PRICKLE2: variants seen among roughly 807,000 people sequenced by gnomAD.
PRICKLE2 encodes prickle planar cell polarity protein 2.
Under a neutral mutation model 81.4 loss-of-function variants are expected in PRICKLE2, and 21 were observed. That is an observed-to-expected ratio of 0.26 (90% CI 0.18 to 0.37). PRICKLE2 has a LOEUF of 0.37. Among genes scored for constraint, PRICKLE2 ranks in the 10% least tolerant of loss-of-function variants. The pLI is 1.00. For synonymous variants in PRICKLE2, 456 were observed against 421.5 expected, an observed-to-expected ratio of 1.08 and a Z score of -1.00; for missense variants, 940 against 1,109.0, an observed-to-expected ratio of 0.85 and a Z score of 2.16.
intron 2 of PRICKLE2, among the ~76,000 whole-genome samples, chr3:64,167,909 T>C (rs1023746947): frequency 2.6e-5 from 4 of 152,168 alleles, no homozygotes; most frequent in Admixed American, 6.5e-5. Flanking sequence ...GAACACACTT[T>C]GTGAGTTTTA....
chr3:64,137,217 T>C (rs1432584), intron 7 of PRICKLE2, among the ~76,000 whole-genome samples: 21,551 of 152,146 alleles, frequency 0.14, 1,786 homozygotes, highest in East Asian at 0.3. Flanking sequence ...TTAAAGCCAT[T>C]TCCAAGTGGA....
At chr3:64,193,292 A>T (rs2078381417) in intron 2 of PRICKLE2, among the ~76,000 whole-genome samples, 1 of 152,138 alleles carries the variant, frequency 6.6e-6, no homozygotes, top group South Asian at 2.1e-4. Context: ...GCACAGGATC[A>T]TCTGGTACTT....
chr3:64,200,986 G>C (rs1449206273), intron 1 of PRICKLE2: 1 of 148,250 alleles, frequency 6.7e-6, no homozygotes, highest in African/African-American at 2.5e-5. Context: ...CTGGAGTGCA[G>C]TGGCACGATC....
Position 64,230,766 on chromosome 3 carries a change from C to T in PRICKLE2, c.129-31799G>A, listed in dbSNP as rs370814311. ...AGTTTCACCATCTATAAAATGGAGA[C>T]ATCTCTTTATCAAAGGCTTCGGTAA... On this transcript the variant is annotated intron_variant, in intron 2 of 8. Coordinates refer to the PRICKLE2 transcript ENST00000295902. 5.3e-5 allele frequency among the ~76,000 whole-genome samples: 8 copies of T among 152,324 alleles called. No individual in the cohort carries two copies. In the East Asian group the frequency reaches 1.5e-3, roughly 29 times the overall value.
At chr3:64,217,500 C>G (rs989925649) in intron 1 of PRICKLE2, among the ~76,000 whole-genome samples, 1 of 152,092 alleles carries the variant, frequency 6.6e-6, no homozygotes, top group Non-Finnish European at 1.5e-5. Flanking sequence ...CATTCACATT[C>G]GTAAGAACGA....
Position 64,096,077 on chromosome 3 carries a change from A to G in PRICKLE2, c.*2974T>C, listed in dbSNP as rs2076567966. 6.6e-6 allele frequency: 1 copy of G among 152,236 alleles called. No homozygotes were observed. Among genetic ancestry groups the G allele is most frequent in the African/African-American group, 2.4e-5 (1 of 41,446 alleles). The allele number at this position is 152,236 out of a possible 1,614,324, so 9.4% of individuals were successfully genotyped here. A position where few individuals can be genotyped will look rare whatever the true frequency, so the allele number is the denominator to read the frequency against. ...CTGGGAACAAGCCAGCTATGTTGCT[A>G]CTGAATTGAGCAGCAATAGGAAATG... On this transcript the variant is annotated 3_prime_UTR_variant, in exon 8 of 8. Coordinates refer to ENST00000638394, the MANE Select transcript of PRICKLE2 (RefSeq NM_198859.4).
intron 7 of PRICKLE2, among the ~76,000 whole-genome samples, chr3:64,138,443 G>T (rs1347856940): frequency 2.0e-5 from 3 of 152,212 alleles, no homozygotes. Flanking sequence ...ACCTGATGTT[G>T]ATGGACATTG....
chr3:64,166,059 A>C (rs955768134), intron 2 of PRICKLE2, among the ~76,000 whole-genome samples: 6 of 151,782 alleles, frequency 4.0e-5, no homozygotes, highest in Admixed American at 3.9e-4. Context: ...TGTATATAAA[A>C]GGGTCTCATG....
intron 2 of PRICKLE2, 110 bp downstream of exon 2, chr3:64,198,674 C>G: frequency 8.1e-7 from 1 of 1,235,408 alleles, no homozygotes; most frequent in Non-Finnish European, 1.2e-6. Context: ...AGCCCTACCA[C>G]TTCTCTGAAT....
chr3:64,209,815 A>G (rs950636791), intron 1 of PRICKLE2, among the ~76,000 whole-genome samples: 10 of 152,358 alleles, frequency 6.6e-5, no homozygotes, highest in South Asian at 2.1e-4. Flanking sequence ...ACAGATTGTG[A>G]TAAGTGTTAT....
chr3:64,216,732 C>A (rs550065504), intron 1 of PRICKLE2, among the ~76,000 whole-genome samples: 41 of 151,716 alleles, frequency 2.7e-4, no homozygotes, highest in Non-Finnish European at 5.3e-4. Context: ...GATTATGCTG[C>A]TTTCTACTTA....
At chr3:64,117,590 T>C (rs977959031) in intron 7 of PRICKLE2, among the ~76,000 whole-genome samples, 2 of 152,034 alleles carry the variant, frequency 1.3e-5, no homozygotes, top group Non-Finnish European at 2.9e-5. Context: ...GGAAATGAAC[T>C]CCCATTCACA....
At position 64,147,322 on chromosome 3, in the gene PRICKLE2, G is replaced by A. The variant is rs932719272; in HGVS notation, c.1168C>T (p.Arg390Trp). ...SLSSQTPSLN[R>W]DPIWRSREEP... ...TCCCGGCTCCTCCAGATGGGGTCCCGGTTGAGGCTGGGTGTCTGGCTGGAC... is the reference window on the plus strand; with the variant it reads ...TCCCGGCTCCTCCAGATGGGGTCCCAGTTGAGGCTGGGTGTCTGGCTGGAC... The change falls in exon 7 of 8, where the codon CGG (arginine) becomes TGG (tryptophan). Residue 390 changes from arginine (R) to tryptophan (W), a missense_variant. Transcript: ENST00000638394. This position sits in a 1 kb window ranked among gnomAD's most constrained non-coding sequence, Gnocchi z 5.0. The A allele has an allele frequency of 1.9e-6, 3 of 1,613,934 alleles. No homozygotes were observed. Among genetic ancestry groups the A allele is most frequent in the Non-Finnish European group, 1.7e-6 (2 of 1,179,986 alleles).
chr3:64,266,389 A>G (rs2079709178), intron 2 of PRICKLE2, among the ~76,000 whole-genome samples: 1 of 152,156 alleles, frequency 6.6e-6, no homozygotes, highest in African/African-American at 2.4e-5. Context: ...ATTTCTTGAA[A>G]CTTCCATCCA....
chr3:64,203,441 C>A (rs1575662394), intron 1 of PRICKLE2, among the ~76,000 whole-genome samples: 1 of 152,158 alleles, frequency 6.6e-6, no homozygotes, highest in African/African-American at 2.4e-5. Context: ...ATGCTTTTTA[C>A]TAGAAAGTCA....
At position 64,099,953 on chromosome 3, in the gene PRICKLE2, G is replaced by T; in HGVS notation, c.1661-28C>A. 6.2e-7 allele frequency: 1 copy of T among 1,611,240 alleles called. No individual in the cohort carries two copies. The highest frequency in any genetic ancestry group is 8.5e-7 in the Non-Finnish European group (1 of 1,178,164). ...GGGGAAGAGAGGAGGGGACCACAGAGATTAATACAGATGTGCAGCAATGGG... is the reference window on the plus strand; with the variant it reads ...GGGGAAGAGAGGAGGGGACCACAGATATTAATACAGATGTGCAGCAATGGG... On this transcript the variant is annotated intron_variant, in intron 7 of 7. Transcript: ENST00000638394. This position sits in a 1 kb window ranked among gnomAD's most constrained non-coding sequence, Gnocchi z 4.3.
At chr3:64,155,194 G>C (rs1457603094) in intron 5 of PRICKLE2, among the ~76,000 whole-genome samples, 2 of 112,538 alleles carry the variant, frequency 1.8e-5, no homozygotes, top group Non-Finnish European at 3.9e-5. Flanking sequence ...CAATTGAAAA[G>C]GTAGTCAAAA....
intron 2 of PRICKLE2, among the ~76,000 whole-genome samples, chr3:64,170,714 A>AAG (rs1553647199): frequency 6.6e-6 from 1 of 150,814 alleles, no homozygotes; most frequent in African/African-American, 2.4e-5. Context: ...AAAAAAAAAA[A>AAG]AAAAAAAAAA....
chr3:64,259,651 T>C (rs1448403191), intron 2 of PRICKLE2, among the ~76,000 whole-genome samples: 1 of 151,182 alleles, frequency 6.6e-6, no homozygotes, highest in African/African-American at 2.4e-5. Context: ...TATGAGATTA[T>C]GTAGATTATA....
Sources: allele counts gnomAD v4.1 joint callset (sites outside exome capture counted in the v4.1 genomes callset), GRCh38; gene constraint gnomAD v4.1.1; non-coding constraint Gnocchi (gnomAD v3.1); transcripts MANE v1.5; gene names NCBI Gene and HGNC (gene_info 2026-07-23, HGNC 2026-07-21).